Variants in LIPG observed in about 807,000 individuals in gnomAD.
The protein encoded by LIPG is lipase G, endothelial type.
A neutral mutation model predicts 51.8 loss-of-function variants in LIPG; 34 were observed. The ratio of observed to expected loss-of-function variants is 0.66; its 90% CI spans 0.50 to 0.87. LIPG has a LOEUF of 0.87. LIPG is among the 40% of genes least tolerant of loss of function. The pLI, the probability that LIPG is intolerant of heterozygous loss-of-function variation, is 0.00. For missense variants in LIPG, 580 were observed against 652.7 expected, an observed-to-expected ratio of 0.89 and a Z score of 1.21; for synonymous variants, 246 against 246.1, an observed-to-expected ratio of 1.00 and a Z score of 0.00.
chr18:49,562,414 A>G lies in LIPG; in HGVS notation c.97+9A>G. On this transcript the variant is annotated intron_variant, in intron 1 of 9. Coordinates refer to ENST00000261292, the MANE Select transcript of LIPG (RefSeq NM_006033.4). ...AGAGGGACGGCTGGAAGGTAACGTG[A>G]ATTTGTTTTTATTCCCCCCAGCCAC... is the stretch of plus-strand genomic sequence containing the variant. 1 of 1,612,678 alleles carries G rather than the reference A, an allele frequency of 6.2e-7. No individual in the cohort carries two copies. Among genetic ancestry groups the G allele is most frequent in the East Asian group, 2.2e-5 (1 of 44,854 alleles).
In LIPG at chr18:49,595,003, A is replaced by G. The variant is rs1182015103; in HGVS notation, c.*4481A>G. 2 of 152,246 alleles carry G rather than the reference A, an allele frequency of 1.3e-5. No individual in the cohort carries two copies. The highest frequency in any genetic ancestry group is 3.8e-4 in the East Asian group (2 of 5,198). The allele number at this position is 152,246 out of a possible 1,614,324, so 9.4% of individuals were successfully genotyped here. ...ACTAGTTAGAGTCAGGGGAACTTCC[A>G]CAGGACTTCCTTTGACTCTCCAAAC... is the stretch of plus-strand genomic sequence containing the variant. On this transcript the variant is annotated 3_prime_UTR_variant, in exon 10 of 10. Transcript: ENST00000261292.
At chr18:49,581,802 C>A in intron 6 of LIPG, 145 bp downstream of exon 6, 1 of 1,009,698 alleles carries the variant, frequency 9.9e-7, no homozygotes, top group Non-Finnish European at 1.5e-6. Context: ...TTACACTGTG[C>A]ATGTCCTAGG....
intron 5 of LIPG, among the ~76,000 whole-genome samples, chr18:49,579,773 C>CTTTTCTTTTCTTTTCTTTTCTTTTCTT (rs2084796128): frequency 6.3e-5 from 4 of 63,474 alleles, no homozygotes; most frequent in African/African-American, 2.2e-4. Flanking sequence ...CCTTTCTTTT[C>CTTTTCTTTTCTTTTCTTTTCTTTTCTT]TTTTCTTTTC....
Position 49,569,418 on chromosome 18 carries a change from CT to C in LIPG, c.460-16del. 6.2e-7 allele frequency: 1 copy of C among 1,606,418 alleles called. No individual in the cohort carries two copies. Among genetic ancestry groups the C allele is most frequent in the Non-Finnish European group, 8.5e-7 (1 of 1,172,996 alleles). ...TGGACCCTGCTCTTCTGCTCACATACTTTGGTGACTTTCTATAGGAGAAGGA... is the reference window on the plus strand; with the variant it reads ...TGGACCCTGCTCTTCTGCTCACATACTTGGTGACTTTCTATAGGAGAAGGA... On this transcript the variant is annotated intron_variant, in intron 3 of 9. Coordinates refer to ENST00000261292, the MANE Select transcript of LIPG (RefSeq NM_006033.4).
chr18:49,564,461 C>T (rs1025055723), intron 1 of LIPG, among the ~76,000 whole-genome samples: 1 of 152,214 alleles, frequency 6.6e-6, no homozygotes, highest in Non-Finnish European at 1.5e-5. Context: ...TGGCACTGTG[C>T]ATGAGCAGTG....
intron 2 of LIPG, among the ~76,000 whole-genome samples, chr18:49,566,469 C>T (rs749233999): frequency 6.6e-6 from 1 of 152,154 alleles, no homozygotes; most frequent in African/African-American, 2.4e-5. Context: ...CCCACAGAAG[C>T]AAGATTGTAA....
In LIPG at chr18:49,572,361, A is replaced by G. The variant is rs548315854; in HGVS notation, c.571+2813A>G. On this transcript the variant is annotated intron_variant, in intron 4 of 9. Transcript: ENST00000261292. ...AAAATAAAAAACAAACAAACAAAAA[A>G]CACCTCATATATGACAGCTACTCTA... is the stretch of plus-strand genomic sequence containing the variant. Among the ~76,000 whole-genome samples, 1,340 of 151,968 alleles carry G rather than the reference A, an allele frequency of 8.8e-3. 13 individuals are homozygous for G. Among genetic ancestry groups the G allele is most frequent in the African/African-American group, 0.031 (1,290 of 41,462 alleles).
intron 1 of LIPG, among the ~76,000 whole-genome samples, chr18:49,564,702 T>A (rs2084583930): frequency 6.6e-6 from 1 of 152,242 alleles, no homozygotes; most frequent in Non-Finnish European, 1.5e-5. Context: ...ATGTGTTTGG[T>A]AACTTGTTTG....
intron 5 of LIPG, among the ~76,000 whole-genome samples, chr18:49,579,288 A>G (rs1402702879): frequency 6.8e-6 from 1 of 147,962 alleles, no homozygotes; most frequent in East Asian, 2.0e-4. Context: ...TAAAGAAGCA[A>G]AACCATTTCA....
At chr18:49,587,309 G>A (rs1348839077) in intron 9 of LIPG, among the ~76,000 whole-genome samples, 4 of 151,826 alleles carry the variant, frequency 2.6e-5, no homozygotes, top group African/African-American at 9.7e-5. Flanking sequence ...GGAGGCTCAC[G>A]CCTGTAATCC....
chr18:49,597,051 G>C lies in LIPG; in HGVS notation c.*6529G>C, dbSNP rs2084986378. 1 of 152,222 alleles carries C rather than the reference G, an allele frequency of 6.6e-6. No homozygotes were observed. The highest frequency in any genetic ancestry group is 1.5e-5 in the Non-Finnish European group (1 of 68,040). 9.4% of individuals were successfully genotyped at this position (152,222 alleles called of 1,614,324 possible). Reference sequence around the variant, plus strand: ...GTTAATCCAAATTAATCTTTGATTTGCATGGAGGCAGTAGGTCAAATCAAA... The same window carrying C: ...GTTAATCCAAATTAATCTTTGATTTCCATGGAGGCAGTAGGTCAAATCAAA... On this transcript the variant is annotated 3_prime_UTR_variant, in exon 10 of 10. Transcript: ENST00000261292.
intron 9 of LIPG, among the ~76,000 whole-genome samples, chr18:49,587,963 A>AT (rs1019516863): frequency 9.9e-5 from 15 of 151,754 alleles, no homozygotes; most frequent in African/African-American, 3.1e-4. Context: ...TAATTTGTGT[A>AT]TTTTTTTGCA....
chr18:49,567,577 A>T lies in LIPG; in HGVS notation c.415A>T (p.Arg139Trp), dbSNP rs772141690. Residue 139 changes from arginine (R) to tryptophan (W), a missense_variant, in exon 3 of 10, where the codon AGG becomes TGG. Physicochemically the swap from Arg to Trp is moderately radical, Grantham distance 101 (BLOSUM62 -3). Coordinates refer to ENST00000261292, the MANE Select transcript of LIPG (RefSeq NM_006033.4). Reference protein sequence around the residue: ...QLYTDAVNNTRVVGHSIARML... With the variant: ...QLYTDAVNNTWVVGHSIARML... Reference sequence around the variant, plus strand: ...TTACACGGATGCGGTCAATAATACCAGGGTGGTGGGACACAGCATTGCCAG... The same window carrying T: ...TTACACGGATGCGGTCAATAATACCTGGGTGGTGGGACACAGCATTGCCAG... The T allele has an allele frequency of 1.2e-6, 2 of 1,614,120 alleles. No individual in the cohort carries two copies. The highest frequency in any genetic ancestry group is 1.7e-6 in the Non-Finnish European group (2 of 1,180,030).
chr18:49,586,050 G>A (rs1272414268), intron 8 of LIPG, among the ~76,000 whole-genome samples: 3 of 152,128 alleles, frequency 2.0e-5, no homozygotes, highest in Admixed American at 6.5e-5. Context: ...TAAGGATTAC[G>A]TGGTCACGCT....
At chr18:49,563,980 G>C (rs963357034) in intron 1 of LIPG, among the ~76,000 whole-genome samples, 1 of 152,088 alleles carries the variant, frequency 6.6e-6, no homozygotes, top group Admixed American at 6.5e-5. Flanking sequence ...GGGAGTTGTC[G>C]AACTCATTAT....
chr18:49,564,034 C>T (rs2084577606), intron 1 of LIPG, among the ~76,000 whole-genome samples: 1 of 152,182 alleles, frequency 6.6e-6, no homozygotes, highest in Admixed American at 6.5e-5. Context: ...TTGTTCATTA[C>T]TTTCATGACG....
At chr18:49,570,645 A>C (rs1251188374) in intron 4 of LIPG, among the ~76,000 whole-genome samples, 1 of 152,232 alleles carries the variant, frequency 6.6e-6, no homozygotes, top group African/African-American at 2.4e-5. Flanking sequence ...CCTGGCCAAC[A>C]TGATGAAACA....
chr18:49,586,607 G>A (rs968694077), intron 8 of LIPG, 139 bp from the exon 9 acceptor site: 3 of 702,696 alleles, frequency 4.3e-6, no homozygotes. Flanking sequence ...TAGTGATGGG[G>A]AATTCTGAAG....
At chr18:49,581,930 C>T (rs1004385371) in intron 6 of LIPG, 44 of 595,276 alleles carry the variant, frequency 7.4e-5, no homozygotes, top group Non-Finnish European at 1.3e-4. Flanking sequence ...AAAGCTGTTT[C>T]ATATTTGTTT....
Sources: gnomAD v4.1 joint callset for allele counts (sites outside exome capture counted in the v4.1 genomes callset) on GRCh38, gnomAD v4.1.1 for gene constraint, MANE v1.5 for transcripts, NCBI Gene and HGNC (gene_info 2026-07-23, HGNC 2026-07-21) for gene names.